The following CSMD1 variants were observed in gnomAD, a reference collection of about 807,000 sequenced individuals.
The protein encoded by CSMD1 is CUB and Sushi multiple domains 1, also known as CUB and sushi domain-containing protein 1.
In CSMD1, 213 loss-of-function variants were observed where a neutral mutation model predicts 417.5. The ratio of observed to expected loss-of-function variants is 0.51; its 90% CI spans 0.46 to 0.57. CSMD1 has a LOEUF of 0.57. Among genes scored for constraint, CSMD1 ranks in the 20% least tolerant of loss-of-function variants. CSMD1 has a pLI of 0.00. For synonymous variants in CSMD1, 2,862 were observed against 1,736.8 expected (o/e 1.65, Z -16.11); for missense variants, 6,923 against 4,529.7 (o/e 1.53, Z -15.17).
intron 18 of CSMD1, among the ~76,000 whole-genome samples, chr8:3,377,413 A>T (rs960074907): frequency 1.3e-5 from 2 of 152,202 alleles, no homozygotes; most frequent in African/African-American, 4.8e-5. Context: ...TTAAATCTCA[A>T]ATTTACATAC....
chr8:3,356,237 A>C (rs1260258385), intron 21 of CSMD1, among the ~76,000 whole-genome samples: 2 of 152,252 alleles, frequency 1.3e-5, no homozygotes, highest in Non-Finnish European at 2.9e-5. Context: ...AGAGAAAGGA[A>C]CATGAAGCAT....
At chr8:3,044,798 G>C (rs1811329766) in intron 50 of CSMD1, among the ~76,000 whole-genome samples, 1 of 152,186 alleles carries the variant, frequency 6.6e-6, no homozygotes, top group African/African-American at 2.4e-5. Flanking sequence ...TATCAAAGCT[G>C]AAGTATTTAT....
intron 5 of CSMD1, among the ~76,000 whole-genome samples, chr8:3,786,976 G>C (rs1220854042): frequency 6.6e-6 from 1 of 152,114 alleles, no homozygotes; most frequent in Non-Finnish European, 1.5e-5. Flanking sequence ...TCATCATCTA[G>C]ATTAGATGAG....
In CSMD1 at chr8:3,427,733, T is replaced by C. The variant is rs559220916; in HGVS notation, c.1562-18128A>G. On this transcript the variant is annotated intron_variant, in intron 12 of 69. Coordinates refer to ENST00000635120, the MANE Select transcript of CSMD1 (RefSeq NM_033225.6). The stretch of plus-strand genomic sequence containing the variant: ...TTCCATGGAAATGTAAAAGTAACTA[T>C]TTAATTTAATCAGGCTAATAATAAC... Among the ~76,000 whole-genome samples the C allele has an allele frequency of 1.5e-4, 23 of 152,342 alleles. No individual in the cohort carries two copies. In the East Asian group the frequency reaches 4.2e-3, roughly 28 times the overall value.
At chr8:3,972,449 A>C (rs537088430) in intron 5 of CSMD1, among the ~76,000 whole-genome samples, 410 of 152,328 alleles carry the variant, frequency 2.7e-3, no homozygotes, top group Admixed American at 5.5e-3. Context: ...CTTTGTAAAC[A>C]GTGATTCCTT....
chr8:4,842,834 C>G (rs939562662), intron 1 of CSMD1, among the ~76,000 whole-genome samples: 1 of 152,160 alleles, frequency 6.6e-6, no homozygotes, highest in Admixed American at 6.5e-5. Context: ...CTCAAAGTAG[C>G]GTAGCTGTTA....
chr8:3,750,610 T>C (rs936740702), intron 6 of CSMD1, among the ~76,000 whole-genome samples: 1 of 152,158 alleles, frequency 6.6e-6, no homozygotes, highest in East Asian at 1.9e-4. Flanking sequence ...TTCATGCTTT[T>C]TAATCTCGGT....
chr8:4,077,293 ATG>A (rs1432046598), intron 3 of CSMD1, among the ~76,000 whole-genome samples: 26 of 84,520 alleles, frequency 3.1e-4, no homozygotes, highest in South Asian at 5.0e-4. Flanking sequence ...ATATATATAT[ATG>A]TGTATATATA....
chr8:3,573,742 G>A (rs1436528650), intron 10 of CSMD1, among the ~76,000 whole-genome samples: 2 of 152,082 alleles, frequency 1.3e-5, no homozygotes, highest in East Asian at 3.9e-4. Context: ...ATGAAGAGAT[G>A]ATCACTTAGA....
chr8:3,006,095 T>C (rs1807871564), intron 52 of CSMD1, among the ~76,000 whole-genome samples: 1 of 150,926 alleles, frequency 6.6e-6, no homozygotes, highest in Non-Finnish European at 1.5e-5. Flanking sequence ...AAAATCAATG[T>C]GCAAAAATCA....
Position 3,633,177 on chromosome 8 carries a change from T to G in CSMD1, c.1010-16380A>C, listed in dbSNP as rs185742027. Among the ~76,000 whole-genome samples the G allele has an allele frequency of 1.3e-4, 20 of 152,360 alleles. No homozygotes were observed. The East Asian group carries it at 3.9e-3, about 29-fold the overall frequency. On this transcript the variant is annotated intron_variant, in intron 7 of 69. Coordinates refer to ENST00000635120, the MANE Select transcript of CSMD1 (RefSeq NM_033225.6). ...GTAAATCATTAAACATCATATATGA[T>G]GAACACACCTTTTCTCACAGAACTC...
At chr8:4,932,493 C>A (rs1807313592) in intron 1 of CSMD1, among the ~76,000 whole-genome samples, 1 of 152,106 alleles carries the variant, frequency 6.6e-6, no homozygotes, top group Non-Finnish European at 1.5e-5. Flanking sequence ...AGGCCTATTT[C>A]AATTAAAATG....
chr8:4,308,530 T>C (rs1294785338), intron 3 of CSMD1, among the ~76,000 whole-genome samples: 1 of 152,238 alleles, frequency 6.6e-6, no homozygotes, highest in Non-Finnish European at 1.5e-5. Context: ...CCTGCTGTGT[T>C]TAGCAGAGTT....
rs1450920366 is a variant in CSMD1 at position 2,937,354 on chromosome 8, G to A, written c.*1231C>T. 1 of 147,866 alleles carries A rather than the reference G, an allele frequency of 6.8e-6. No individual in the cohort carries two copies. The highest frequency in any genetic ancestry group is 1.5e-5 in the Non-Finnish European group (1 of 67,408). 9.2% of individuals were successfully genotyped at this position (147,866 alleles called of 1,614,324 possible). A position where few individuals can be genotyped will look rare whatever the true frequency, so the allele number is the denominator to read the frequency against. On this transcript the variant is annotated 3_prime_UTR_variant, in exon 70 of 70. Transcript: ENST00000635120. ...AAAGAACACTTGGTATTTTGATCCTGAACAATTTTCACTGAGTTCAAGGTG... is the reference window on the plus strand; with the variant it reads ...AAAGAACACTTGGTATTTTGATCCTAAACAATTTTCACTGAGTTCAAGGTG...
intron 1 of CSMD1, among the ~76,000 whole-genome samples, chr8:4,905,677 G>T (rs191548919): frequency 6.6e-6 from 1 of 151,678 alleles, no homozygotes; most frequent in Non-Finnish European, 1.5e-5. Flanking sequence ...AAAATTAGCC[G>T]GGCGTGGTGG....
intron 1 of CSMD1, among the ~76,000 whole-genome samples, chr8:4,953,958 T>A (rs895333358): frequency 6.6e-6 from 1 of 152,220 alleles, no homozygotes; most frequent in Admixed American, 6.5e-5. Context: ...TAATGCACAG[T>A]AAAGTTAAGA....
In CSMD1 at chr8:4,457,905, T is replaced by C. The variant is rs866399258; in HGVS notation, c.303-37840A>G. Among the ~76,000 whole-genome samples, 3 of 152,206 alleles carry C rather than the reference T, an allele frequency of 2.0e-5. No homozygotes were observed. In the Middle Eastern group the frequency reaches 0.01, roughly 518 times the overall value. ...GCAGCACCGTAGTGAACGTCTCCATTTTCCCATACACCATGGGGCAGAGTC... is the reference window on the plus strand; with the variant it reads ...GCAGCACCGTAGTGAACGTCTCCATCTTCCCATACACCATGGGGCAGAGTC... On this transcript the variant is annotated intron_variant, in intron 2 of 69. Transcript: ENST00000635120.
intron 49 of CSMD1, among the ~76,000 whole-genome samples, chr8:3,085,258 G>C (rs1814441608): frequency 6.6e-6 from 1 of 152,050 alleles, no homozygotes; most frequent in Non-Finnish European, 1.5e-5. Flanking sequence ...ATCCCTCCAA[G>C]TTTAAAGGTC....
chr8:4,415,293 C>T (rs954258089), intron 3 of CSMD1, among the ~76,000 whole-genome samples: 1 of 152,184 alleles, frequency 6.6e-6, no homozygotes, highest in African/African-American at 2.4e-5. Context: ...CATTGCTAAG[C>T]ATTCTCAAAG....
Sources: gnomAD v4.1 joint callset for allele counts (sites outside exome capture counted in the v4.1 genomes callset) on GRCh38, gnomAD v4.1.1 for gene constraint, MANE v1.5 for transcripts, NCBI Gene and HGNC (gene_info 2026-07-23, HGNC 2026-07-21) for gene names.